Variants in FAM200B observed in about 807,000 individuals in gnomAD.
FAM200B encodes zinc finger BED-type containing 11.
Under a neutral mutation model 33.1 loss-of-function variants are expected in FAM200B, and 32 were observed. The ratio of observed to expected loss-of-function variants is 0.97; its 90% CI spans 0.73 to 1.30. The LOEUF is 1.30. FAM200B is among the 50% of genes most tolerant of loss of function. The pLI, the probability that FAM200B is intolerant of heterozygous loss-of-function variation, is 0.00. For synonymous variants in FAM200B, 240 were observed against 264.8 expected, an observed-to-expected ratio of 0.91 and a Z score of 0.91; for missense variants, 741 against 754.0, an observed-to-expected ratio of 0.98 and a Z score of 0.20.
At chr4:15,639,273 G>GA in the FAM200B span, among the ~76,000 whole-genome samples, 568 of 152,314 alleles carry the variant, frequency 3.7e-3, 4 homozygotes, top group African/African-American at 0.013. Context: ...TCCCTTTATA[G>GA]AATTTGTCAC....
chr4:15,647,767 A>T, the FAM200B span, among the ~76,000 whole-genome samples: 1 of 152,244 alleles, frequency 6.6e-6, no homozygotes, highest in Non-Finnish European at 1.5e-5. Context: ...GTGTAAATCC[A>T]TTCTACCAGC....
chr4:15,684,804 G>A (rs988666332), intron 1 of FAM200B: 67 of 152,138 alleles, frequency 4.4e-4, no homozygotes, highest in African/African-American at 1.5e-3. Context: ...TAATGTCCTC[G>A]ACAGAGGACA....
the FAM200B span, among the ~76,000 whole-genome samples, chr4:15,659,100 G>T: frequency 1.3e-5 from 2 of 152,014 alleles, no homozygotes; most frequent in African/African-American, 4.8e-5. Flanking sequence ...TATATTTAAT[G>T]ACAAAAAATC....
Position 15,688,549 on chromosome 4 carries a change from A to C in FAM200B, c.1572A>C (p.Pro524=). 6.5e-7 allele frequency: 1 copy of C among 1,549,020 alleles called. No individual in the cohort carries two copies. The highest frequency in any genetic ancestry group is 8.7e-7 in the Non-Finnish European group (1 of 1,145,098). Residue 524 remains proline (P), a synonymous_variant, in exon 2 of 2, where the codon CCA becomes CCC. Transcript: ENST00000422728. ...CTCAAACTTTTAACCATTTCTTTCC[A>C]GAAGAAAAATTTGAAACATTAAGGG... is the stretch of plus-strand genomic sequence containing the variant. ...SLSQTFNHFF[P]EEKFETLREN... is the part of the protein sequence containing the mutation.
chr4:15,673,065 G>C, the FAM200B span, among the ~76,000 whole-genome samples: 1 of 152,078 alleles, frequency 6.6e-6, no homozygotes, highest in Non-Finnish European at 1.5e-5. Context: ...CAATGCCTTC[G>C]TCTGTAATAC....
At chr4:15,638,113 A>T in the FAM200B span, among the ~76,000 whole-genome samples, 1 of 152,216 alleles carries the variant, frequency 6.6e-6, no homozygotes, top group Non-Finnish European at 1.5e-5. Flanking sequence ...AGAGAAAAGC[A>T]GCCACTATGG....
At chr4:15,662,105 GC>G in the FAM200B span, among the ~76,000 whole-genome samples, 1 of 152,196 alleles carries the variant, frequency 6.6e-6, no homozygotes, top group Admixed American at 6.5e-5. Flanking sequence ...TCATGCCTAT[GC>G]TACTGGTCAT....
At chr4:15,680,842 G>A (rs73243135), upstream of FAM200B, among the ~76,000 whole-genome samples, 13,943 of 150,014 alleles carry the variant, frequency 0.093, 791 homozygotes, top group Non-Finnish European at 0.13. Context: ...CCCTGTTTAA[G>A]GTAGAATTTA....
the FAM200B span, among the ~76,000 whole-genome samples, chr4:15,646,476 G>A: frequency 1.3e-5 from 2 of 149,766 alleles, no homozygotes; most frequent in African/African-American, 4.9e-5. Context: ...AAAAAAAAAG[G>A]CAAACTTAAA....
chr4:15,657,408 CTATGT>C, the FAM200B span, among the ~76,000 whole-genome samples: 1 of 152,298 alleles, frequency 6.6e-6, no homozygotes, highest in South Asian at 2.1e-4. Flanking sequence ...GTTTAATATG[CTATGT>C]TGTCTTGTCC....
At chr4:15,650,694 G>T in the FAM200B span, among the ~76,000 whole-genome samples, 1 of 113,240 alleles carries the variant, frequency 8.8e-6, no homozygotes, top group Non-Finnish European at 1.6e-5. Flanking sequence ...TTGAGACAGA[G>T]TCTCACTCTG....
the FAM200B span, among the ~76,000 whole-genome samples, chr4:15,640,095 C>T: frequency 5.3e-5 from 8 of 152,128 alleles, no homozygotes; most frequent in Admixed American, 3.3e-4. Context: ...GGCTGAAGTG[C>T]CATGGCGCAA....
chr4:15,687,892 A>G lies in FAM200B; in HGVS notation c.915A>G (p.Lys305=). 6.4e-7 allele frequency: 1 copy of G among 1,551,108 alleles called. No individual in the cohort carries two copies. The highest frequency in any genetic ancestry group is 8.7e-7 in the Non-Finnish European group (1 of 1,146,588). Residue 305 remains lysine, a synonymous_variant, in exon 2 of 2, where the codon AAA becomes AAG. Transcript: ENST00000422728. ...ATGGCACAGCAACCATGACTGGAAA[A>G]CATAGCAGAGTAATTAAAAAATTAC... ...TSDGTATMTG[K]HSRVIKKLLE... is the part of the protein sequence containing the mutation.
the FAM200B span, among the ~76,000 whole-genome samples, chr4:15,669,532 CA>C: frequency 8.1e-5 from 12 of 149,036 alleles, no homozygotes; most frequent in African/African-American, 2.0e-4. Context: ...GACCTTGTCT[CA>C]AAAAAAAATG....
the FAM200B span, among the ~76,000 whole-genome samples, chr4:15,646,108 T>G: frequency 6.6e-6 from 1 of 152,212 alleles, no homozygotes; most frequent in Non-Finnish European, 1.5e-5. Flanking sequence ...TTGCAGGCCA[T>G]GTGGTCTGTA....
chr4:15,655,035 G>C, the FAM200B span, among the ~76,000 whole-genome samples: 3 of 150,936 alleles, frequency 2.0e-5, no homozygotes, highest in Non-Finnish European at 4.4e-5. Context: ...GCCTCGCAGC[G>C]GGCGGGCAGG....
chr4:15,683,962 C>T (rs1208123467), intron 1 of FAM200B, among the ~76,000 whole-genome samples: 1 of 152,186 alleles, frequency 6.6e-6, no homozygotes, highest in Non-Finnish European at 1.5e-5. Context: ...AAATCACTTA[C>T]CTAAAACCAT....
chr4:15,643,674 T>A, the FAM200B span, among the ~76,000 whole-genome samples: 2 of 152,214 alleles, frequency 1.3e-5, no homozygotes, highest in Admixed American at 1.3e-4. Flanking sequence ...CCCAGAGTGC[T>A]GGGACTACAG....
At chr4:15,638,879 T>A in the FAM200B span, among the ~76,000 whole-genome samples, 1 of 152,140 alleles carries the variant, frequency 6.6e-6, no homozygotes, top group Non-Finnish European at 1.5e-5. Flanking sequence ...ACCAAGAAGA[T>A]CCTGGCCAGG....
Sources: gnomAD v4.1 joint callset for allele counts (sites outside exome capture counted in the v4.1 genomes callset) on GRCh38, gnomAD v4.1.1 for gene constraint, MANE v1.5 for transcripts, NCBI Gene and HGNC (gene_info 2026-07-23, HGNC 2026-07-21) for gene names.